The following UHRF1 variants were observed in gnomAD, a reference collection of about 807,000 sequenced individuals.
UHRF1 encodes E3 ubiquitin-protein ligase UHRF1.
In UHRF1, 9 loss-of-function variants were observed where a neutral mutation model predicts 96.5. The ratio of observed to expected loss-of-function variants is 0.09; its 90% confidence interval spans 0.06 to 0.16. UHRF1 has a LOEUF of 0.16. UHRF1 is among the 10% of genes least tolerant of loss of function. The pLI, the probability that UHRF1 is intolerant of heterozygous loss-of-function variation, is 1.00. For missense variants in UHRF1, 626 were observed against 1,131.1 expected (o/e 0.55, Z 6.40); for synonymous variants, 455 against 469.9 (o/e 0.97, Z 0.41).
rs775417059 is a variant in UHRF1 at position 4,930,345 on chromosome 19, C to T, written c.409-371C>T. Reference sequence around the variant, plus strand: ...CTAGTCTTGAATTCCGGGGCTCAAGCGATCCACCTGCCTCGGCCTCCCAAA... The same window carrying T: ...CTAGTCTTGAATTCCGGGGCTCAAGTGATCCACCTGCCTCGGCCTCCCAAA... On this transcript the variant is annotated intron_variant, in intron 3 of 16. Coordinates refer to ENST00000650932, the MANE Select transcript of UHRF1 (RefSeq NM_001048201.3). This position sits in a 1 kb window ranked among gnomAD's most constrained non-coding sequence, Gnocchi z 4.4. Among the ~76,000 whole-genome samples, 3 of 152,106 alleles carry T rather than the reference C, an allele frequency of 2.0e-5. No homozygotes were observed. Among genetic ancestry groups the T allele is most frequent in the African/African-American group, 7.2e-5 (3 of 41,420 alleles).
intron 2 of UHRF1, among the ~76,000 whole-genome samples, chr19:4,912,124 T>G (rs940301538): frequency 6.6e-6 from 1 of 152,206 alleles, no homozygotes; most frequent in Non-Finnish European, 1.5e-5. Context: ...AGAGACGTGA[T>G]GACTTGAGTC....
intron 2 of UHRF1, among the ~76,000 whole-genome samples, chr19:4,926,454 A>T (rs536829495): frequency 3.9e-5 from 6 of 152,282 alleles, no homozygotes; most frequent in African/African-American, 1.4e-4. Flanking sequence ...TGGGCCCTCG[A>T]TGTCCACGGT....
chr19:4,904,597 A>T (rs1328265147), upstream of UHRF1, among the ~76,000 whole-genome samples: 1 of 152,108 alleles, frequency 6.6e-6, no homozygotes, highest in Non-Finnish European at 1.5e-5. Context: ...GATTACAGGC[A>T]TGAGCTACCA....
chr19:4,950,588 TG>T, intron 11 of UHRF1, 22 bp from the exon 12 acceptor site: 1 of 1,606,566 alleles, frequency 6.2e-7, no homozygotes, highest in Non-Finnish European at 8.5e-7. Context: ...CTATAATGCG[TG>T]GGGTCCTGAC....
rs113765946 is a variant in UHRF1 at position 4,945,284 on chromosome 19, A to G, written c.1306-577A>G. ...CCCACTTTTATTTTTTTTGAGACGG[A>G]GTCTTGCTCTGTTGCCCAGGCTGGA... On this transcript the variant is annotated intron_variant, in intron 9 of 16. Coordinates refer to ENST00000650932, the MANE Select transcript of UHRF1 (RefSeq NM_001048201.3). 2.8e-3 allele frequency among the ~76,000 whole-genome samples: 419 copies of G among 151,988 alleles called. 1 individual carries two copies. Among genetic ancestry groups the G allele is most frequent in the African/African-American group, 9.5e-3 (395 of 41,476 alleles).
intron 10 of UHRF1, 23 bp downstream of exon 10, chr19:4,945,988 T>TG: frequency 4.7e-6 from 2 of 424,892 alleles, no homozygotes; most frequent in South Asian, 2.6e-5. Context: ...GTGGGAGGGG[T>TG]GGGGGAGGGT....
At position 4,930,782 on chromosome 19, in the gene UHRF1, G is replaced by A. The variant is rs753942436; in HGVS notation, c.475G>A (p.Val159Met). ...GTGGTTTGAGGCGCAGGTGGTCAGG[G>A]TGACGCGGAAGGCCCCCTCCCGGGA... ...GAWFEAQVVR[V>M]TRKAPSRDEP... Residue 159 changes from valine to methionine, a missense_variant, in exon 4 of 17, where the codon GTG (valine) becomes ATG (methionine). Around this residue, in one of 11 missense-constraint regions of UHRF1, gnomAD observed 198 missense variants for 235.1 expected, o/e 0.84. Coordinates refer to ENST00000650932, the MANE Select transcript of UHRF1 (RefSeq NM_001048201.3). This position sits in a 1 kb window ranked among gnomAD's most constrained non-coding sequence, Gnocchi z 4.4. 3.2e-5 allele frequency: 51 copies of A among 1,613,982 alleles called. No homozygotes were observed. Among genetic ancestry groups the A allele is most frequent in the Non-Finnish European group, 4.2e-5 (50 of 1,179,886 alleles).
At chr19:4,904,553 TCCA>T (rs2032025703), upstream of UHRF1, among the ~76,000 whole-genome samples, 1 of 151,792 alleles carries the variant, frequency 6.6e-6, no homozygotes, top group Non-Finnish European at 1.5e-5. Flanking sequence ...GACCTCATGA[TCCA>T]CCCGCCTCAC....
At chr19:4,953,543 A>T (rs2033774700) in intron 13 of UHRF1, among the ~76,000 whole-genome samples, 1 of 152,048 alleles carries the variant, frequency 6.6e-6, no homozygotes, top group East Asian at 1.9e-4. Flanking sequence ...AGCTCACTAC[A>T]GCCTCAAACT....
intron 2 of UHRF1, among the ~76,000 whole-genome samples, chr19:4,913,700 C>T (rs998506270): frequency 6.6e-6 from 1 of 151,958 alleles, no homozygotes; most frequent in Non-Finnish European, 1.5e-5. Flanking sequence ...CACTGAATTT[C>T]GTCTCCCAGG....
rs778313022 is a variant in UHRF1, at chr19:4,945,984, G to C, written c.1410+19G>C. On this transcript the variant is annotated intron_variant, in intron 10 of 16. Transcript: ENST00000650932. ...TGATGTGGTGAGTGTGTGTGTGGGA[G>C]GGGTGGGGGAGGGTTGCTCTAGTTT... is the stretch of plus-strand genomic sequence containing the variant. 3 of 1,227,414 alleles carry C rather than the reference G, an allele frequency of 2.4e-6. No homozygotes were observed. In the African/African-American group the frequency reaches 4.6e-5, roughly 19 times the overall value. 76.0% of individuals were successfully genotyped at this position (1,227,414 alleles called of 1,614,324 possible). A position where few individuals can be genotyped will look rare whatever the true frequency, so the allele number is the denominator to read the frequency against.
intron 11 of UHRF1, among the ~76,000 whole-genome samples, chr19:4,947,490 CTTTTTTTT>C (rs985069179): frequency 3.5e-4 from 20 of 57,882 alleles, no homozygotes; most frequent in African/African-American, 8.0e-4. Context: ...TAATAGATAT[CTTTTTTTT>C]TTTTTTTTTT....
intron 5 of UHRF1, among the ~76,000 whole-genome samples, chr19:4,936,574 A>T (rs2033222014): frequency 6.6e-6 from 1 of 152,160 alleles, no homozygotes; most frequent in Non-Finnish European, 1.5e-5. Context: ...GTGTCTCTGC[A>T]GTGTGGGGGG....
upstream of UHRF1, among the ~76,000 whole-genome samples, chr19:4,908,402 G>C (rs2032117454): frequency 6.6e-6 from 1 of 152,038 alleles, no homozygotes; most frequent in Admixed American, 6.6e-5. Flanking sequence ...GCTCTCAAGG[G>C]AAAGACCAAA....
In UHRF1 at chr19:4,930,493, C is replaced by T. The variant is rs1198657117; in HGVS notation, c.409-223C>T. On this transcript the variant is annotated intron_variant, in intron 3 of 16. Coordinates refer to ENST00000650932, the MANE Select transcript of UHRF1 (RefSeq NM_001048201.3). The surrounding 1 kb of genome is among the most constrained non-coding windows in gnomAD (Gnocchi z 4.4). ...TGTGGCTGAAGCAGAGCCGCAGGGGCCTTTGTTAAGACAGTCCATGCCCCC... is the reference window on the plus strand; with the variant it reads ...TGTGGCTGAAGCAGAGCCGCAGGGGTCTTTGTTAAGACAGTCCATGCCCCC... 2.0e-5 allele frequency among the ~76,000 whole-genome samples: 3 copies of T among 152,240 alleles called. No individual in the cohort carries two copies. The highest frequency in any genetic ancestry group is 7.2e-5 in the African/African-American group (3 of 41,470).
At position 4,932,965 on chromosome 19, in the gene UHRF1, C is replaced by A; in HGVS notation, c.785+9C>A. The A allele has an allele frequency of 6.3e-7, 1 of 1,599,764 alleles. No individual in the cohort carries two copies. The highest frequency in any genetic ancestry group is 2.3e-5 in the East Asian group (1 of 44,162). On this transcript the variant is annotated intron_variant, in intron 5 of 16. Transcript: ENST00000650932. ...GCCAACGTGGTGCTGGGGTGAGCCT[C>A]GCGTCCTGGGGCGAGCCCTTCCTCT...
At position 4,923,958 on chromosome 19, in the gene UHRF1, T is replaced by C. The variant is rs1022536015; in HGVS notation, c.154-5264T>C. 9.2e-5 allele frequency among the ~76,000 whole-genome samples: 14 copies of C among 151,836 alleles called. No homozygotes were observed. The South Asian group carries it at 1.5e-3, about 16-fold the overall frequency. ...TGCTGCTTTTCCTGACCCAGTGATATTGGGGGCACTTGACTTCTCTCTTTT... is the reference window on the plus strand; with the variant it reads ...TGCTGCTTTTCCTGACCCAGTGATACTGGGGGCACTTGACTTCTCTCTTTT... On this transcript the variant is annotated intron_variant, in intron 2 of 16. Coordinates refer to ENST00000650932, the MANE Select transcript of UHRF1 (RefSeq NM_001048201.3).
intron 16 of UHRF1, 83 bp from the exon 17 acceptor site, chr19:4,960,573 TG>T (rs1468318446): frequency 3.2e-6 from 2 of 631,036 alleles, no homozygotes; most frequent in African/African-American, 2.9e-5. Context: ...CTGGTGAGAC[TG>T]TCCCCACAGT....
chr19:4,910,402 G>A (rs2032218492), intron 1 of UHRF1: 1 of 152,322 alleles, frequency 6.6e-6, no homozygotes, highest in Non-Finnish European at 1.5e-5. Flanking sequence ...GCGGATCTCG[G>A]GTGGGGTTTT....
Sources: gnomAD v4.1 joint callset for allele counts (sites outside exome capture counted in the v4.1 genomes callset) on GRCh38, gnomAD v4.1.1 for gene constraint, gnomAD v4.1.1 regional missense constraint, Gnocchi (gnomAD v3.1) non-coding constraint, MANE v1.5 for transcripts, NCBI Gene and HGNC (gene_info 2026-07-23, HGNC 2026-07-21) for gene names.